Variants in DNAJC10 observed in about 807,000 individuals in gnomAD.
DNAJC10 encodes the protein endoplasmic reticulum disulfide reductase DNAJC10.
In DNAJC10, 101 loss-of-function variants were observed where a neutral mutation model predicts 115.0. The ratio of observed to expected loss-of-function variants is 0.88; its 90% confidence interval spans 0.75 to 1.04. The LOEUF (loss-of-function observed/expected upper bound fraction) is 1.04. DNAJC10 is among the 50% of genes least tolerant of loss of function. DNAJC10 has a pLI of 0.00. For missense variants in DNAJC10, 981 were observed against 928.8 expected, an observed-to-expected ratio of 1.06 and a Z score of -0.73; for synonymous variants, 307 against 301.5, an observed-to-expected ratio of 1.02 and a Z score of -0.19.
At chr2:182,775,174 C>T (rs1353821580) in intron 22 of DNAJC10, 142 bp from the exon 23 acceptor site, 3 of 537,348 alleles carry the variant, frequency 5.6e-6, no homozygotes, top group Non-Finnish European at 6.7e-6. Context: ...AGCATTATTT[C>T]CTTGAAGAGA....
At chr2:182,732,770 T>A in intron 10 of DNAJC10, 1 of 522,840 alleles carries the variant, frequency 1.9e-6, no homozygotes. Context: ...TTGTAAGTAT[T>A]CTGTAATTTA....
At chr2:182,759,457 TGTA>T in intron 21 of DNAJC10, 150 bp downstream of exon 21, 1 of 734,110 alleles carries the variant, frequency 1.4e-6, no homozygotes, top group Non-Finnish European at 2.1e-6. Context: ...CTGTAATGGT[TGTA>T]GTAGATTTCC....
At position 182,722,976 on chromosome 2, in the gene DNAJC10, C is replaced by T. The variant is rs139498280; in HGVS notation, c.418+901C>T. ...AATCTATATGTTTTTCATATATTAT[C>T]GTTAAAAATTTATTACAGCTACTTG... On this transcript the variant is annotated intron_variant, in intron 5 of 23. Transcript: ENST00000264065. Among the ~76,000 whole-genome samples the T allele has an allele frequency of 7.3e-5, 11 of 150,216 alleles. 1 individual carries two copies. In the East Asian group the frequency reaches 2.1e-3, roughly 29 times the overall value.
rs1002912065 is a variant in DNAJC10, at chr2:182,794,415, G to GT, written c.*17290dup. ...ACTGTTTGTCTTTGCAGTGAGCTATGTTTTTTTATAACATGTAGAAGTGAA... is the reference window on the plus strand; with the variant it reads ...ACTGTTTGTCTTTGCAGTGAGCTATGTTTTTTTTATAACATGTAGAAGTGAA... On this transcript the variant is annotated 3_prime_UTR_variant, in exon 24 of 24. Coordinates refer to ENST00000264065, the MANE Select transcript of DNAJC10 (RefSeq NM_018981.4). 1 of 152,122 alleles carries GT rather than the reference G, an allele frequency of 6.6e-6. No individual in the cohort carries two copies. The allele number at this position is 152,122 out of a possible 1,614,324, so 9.4% of individuals were successfully genotyped here. A position where few individuals can be genotyped will look rare whatever the true frequency, so the allele number is the denominator to read the frequency against.
intron 14 of DNAJC10, among the ~76,000 whole-genome samples, chr2:182,749,406 G>T (rs573754600): frequency 1.4e-4 from 21 of 146,584 alleles, no homozygotes; most frequent in African/African-American, 3.1e-4. Flanking sequence ...TTTACCATTA[G>T]GTAATGGCCT....
Position 182,793,143 on chromosome 2 carries a change from GAGAA to G in DNAJC10, c.*16014_*16017del, listed in dbSNP as rs1436657699. On this transcript the variant is annotated 3_prime_UTR_variant, in exon 24 of 24. Transcript: ENST00000264065. ...GCTGAGGGTAGAGCATATGAACAGA[GAGAA>G]AGGCCAGAGGACAGGCTCCAAGGCA... 1.3e-5 allele frequency: 2 copies of G among 152,260 alleles called. No individual in the cohort carries two copies. The highest frequency in any genetic ancestry group is 2.4e-5 in the African/African-American group (1 of 41,418). The allele number at this position is 152,260 out of a possible 1,614,324, so 9.4% of individuals were successfully genotyped here. A position where few individuals can be genotyped will look rare whatever the true frequency, so the allele number is the denominator to read the frequency against.
At chr2:182,755,970 A>G (rs1197510969) in intron 17 of DNAJC10, among the ~76,000 whole-genome samples, 1 of 152,190 alleles carries the variant, frequency 6.6e-6, no homozygotes, top group Non-Finnish European at 1.5e-5. Flanking sequence ...TTAAAAATCT[A>G]AGTTAGGTTT....
intron 14 of DNAJC10, 118 bp downstream of exon 14, chr2:182,743,830 A>G: frequency 3.0e-6 from 2 of 664,254 alleles, no homozygotes; most frequent in Non-Finnish European, 5.1e-6. Context: ...AACTTTTCTC[A>G]GTAAATATGA....
intron 13 of DNAJC10, among the ~76,000 whole-genome samples, chr2:182,742,400 A>G (rs1300605833): frequency 2.6e-5 from 4 of 152,266 alleles, no homozygotes; most frequent in African/African-American, 7.2e-5. Context: ...ATATTGGCCA[A>G]GCTGGCCTCG....
rs1694955831 is a variant in DNAJC10, at chr2:182,786,883, T to TAA, written c.*9752_*9753dup. The TAA allele has an allele frequency of 6.6e-6, 1 of 152,218 alleles. No homozygotes were observed. Among genetic ancestry groups the TAA allele is most frequent in the African/African-American group, 2.4e-5 (1 of 41,452 alleles). 9.4% of individuals were successfully genotyped at this position (152,218 alleles called of 1,614,324 possible). A position where few individuals can be genotyped will look rare whatever the true frequency, so the allele number is the denominator to read the frequency against. ...GAATGTGAGGCCTTTGGGAAGGGTTTAAGTCATGAGGGCAGAGACCTCCTT... is the reference window on the plus strand; with the variant it reads ...GAATGTGAGGCCTTTGGGAAGGGTTTAAAAGTCATGAGGGCAGAGACCTCCTT... On this transcript the variant is annotated 3_prime_UTR_variant, in exon 24 of 24. Transcript: ENST00000264065.
intron 22 of DNAJC10, among the ~76,000 whole-genome samples, chr2:182,774,902 TAC>T (rs1694664591): frequency 6.6e-6 from 1 of 152,234 alleles, no homozygotes; most frequent in African/African-American, 2.4e-5. Context: ...AAGAACCAGA[TAC>T]CTCAGTTGGA....
intron 7 of DNAJC10, among the ~76,000 whole-genome samples, chr2:182,729,576 G>A (rs891408574): frequency 4.6e-5 from 7 of 152,172 alleles, no homozygotes; most frequent in Admixed American, 2.6e-4. Context: ...TTTTACAAGT[G>A]TTGTCTCATT....
At chr2:182,717,133 G>A (rs1412823588) in intron 2 of DNAJC10, 61 bp downstream of exon 2, 2 of 152,196 alleles carry the variant, frequency 1.3e-5, no homozygotes, top group African/African-American at 4.8e-5. Flanking sequence ...AATGAGGTGC[G>A]AGGAGCGTTA....
chr2:182,762,944 A>T (rs1376032275), intron 22 of DNAJC10, 143 bp downstream of exon 22: 63 of 929,712 alleles, frequency 6.8e-5, no homozygotes, highest in Non-Finnish European at 8.9e-5. Flanking sequence ...AGTTTTTAAA[A>T]TTTACATGTA....
rs563103117 is a variant in DNAJC10 at position 182,741,179 on chromosome 2, A to T, written c.1078-64A>T. ...GCTAAAACTAACTTCAAGTCATAGA[A>T]ATGAAGATTAGAACCCTTAGAATTT... On this transcript the variant is annotated intron_variant, in intron 12 of 23. Coordinates refer to ENST00000264065, the MANE Select transcript of DNAJC10 (RefSeq NM_018981.4). The T allele has an allele frequency of 4.8e-5, 53 of 1,109,816 alleles. No individual in the cohort carries two copies. The African/African-American group carries it at 6.9e-4, about 14-fold the overall frequency. The allele number at this position is 1,109,816 out of a possible 1,614,324, so 68.7% of individuals were successfully genotyped here. A position where few individuals can be genotyped will look rare whatever the true frequency, so the allele number is the denominator to read the frequency against.
At position 182,746,654 on chromosome 2, in the gene DNAJC10, C is replaced by T. The variant is rs189974032; in HGVS notation, c.1306+2942C>T. ...AGCCCTTTCTCAGATGAGTAGGTTG[C>T]GAAAATTTTCTGCCATTCTTTAGGT... On this transcript the variant is annotated intron_variant, in intron 14 of 23. Coordinates refer to ENST00000264065, the MANE Select transcript of DNAJC10 (RefSeq NM_018981.4). Among the ~76,000 whole-genome samples the T allele has an allele frequency of 3.9e-5, 6 of 152,176 alleles. No homozygotes were observed. In the East Asian group the frequency reaches 5.8e-4, roughly 15 times the overall value.
chr2:182,776,957 A>G (rs1158035376), intron 23 of DNAJC10, among the ~76,000 whole-genome samples, 164 bp from the exon 24 acceptor site: 2 of 152,072 alleles, frequency 1.3e-5, no homozygotes, highest in African/African-American at 4.8e-5. Flanking sequence ...TTTCTTTTTT[A>G]TTGTTATATT....
rs1018165538 is a variant in DNAJC10, at chr2:182,751,973, TAC to T, written c.1435-97_1435-96del. ...CCTCCAGGGAAGGTTTGCCGCTAAG[TAC>T]AGTTTGTCTTACTTAGCATATTACT... On this transcript the variant is annotated intron_variant, in intron 15 of 23. Transcript: ENST00000264065. 3 of 1,234,482 alleles carry T rather than the reference TAC, an allele frequency of 2.4e-6. No homozygotes were observed. The African/African-American group carries it at 4.5e-5, about 19-fold the overall frequency. The allele number at this position is 1,234,482 out of a possible 1,614,324, so 76.5% of individuals were successfully genotyped here.
intron 3 of DNAJC10, among the ~76,000 whole-genome samples, chr2:182,719,796 TAC>T (rs1491366635): frequency 7.1e-4 from 86 of 120,720 alleles, no homozygotes; most frequent in African/African-American, 2.7e-3. Flanking sequence ...TTACTTTTCT[TAC>T]TTTTTTTTTT....
Sources: gnomAD v4.1 joint callset for allele counts (sites outside exome capture counted in the v4.1 genomes callset) on GRCh38, gnomAD v4.1.1 for gene constraint, MANE v1.5 for transcripts, NCBI Gene and HGNC (gene_info 2026-07-23, HGNC 2026-07-21) for gene names.